FUT8: variants seen among roughly 807,000 people sequenced by gnomAD.
The protein encoded by FUT8 is fucosyltransferase 8.
FUT8 carries 29 observed loss-of-function variants against 71.3 expected under a neutral mutation model. The ratio of observed to expected loss-of-function variants is 0.41; its 90% CI spans 0.30 to 0.55. The LOEUF is 0.55. FUT8 is among the 20% of genes least tolerant of loss of function. The pLI is 0.34. For synonymous variants in FUT8, 254 were observed against 239.3 expected, an observed-to-expected ratio of 1.06 and a Z score of -0.57; for missense variants, 544 against 702.1, an observed-to-expected ratio of 0.77 and a Z score of 2.55.
chr14:65,547,051 G>T (rs1885022789), intron 2 of FUT8, among the ~76,000 whole-genome samples: 1 of 151,106 alleles, frequency 6.6e-6, no homozygotes, highest in Admixed American at 6.6e-5. Context: ...CTCTTTTGTA[G>T]TATCTCTAGT....
At chr14:65,711,798 A>T (rs887061136) in intron 7 of FUT8, among the ~76,000 whole-genome samples, 1 of 152,194 alleles carries the variant, frequency 6.6e-6, no homozygotes, top group African/African-American at 2.4e-5. Flanking sequence ...TTTTGTTCTA[A>T]GAATCCTAAA....
chr14:65,719,397 C>A (rs183805333), intron 7 of FUT8, among the ~76,000 whole-genome samples: 2 of 152,206 alleles, frequency 1.3e-5, no homozygotes, highest in African/African-American at 4.8e-5. Flanking sequence ...CAAAATAGCT[C>A]TTTTGAATTC....
chr14:65,447,170 T>G (rs1463670531), intron 1 of FUT8, among the ~76,000 whole-genome samples: 1 of 152,008 alleles, frequency 6.6e-6, no homozygotes, highest in East Asian at 1.9e-4. Flanking sequence ...GGTGCATGCC[T>G]GTAATCCTAG....
rs182634082 is a variant in FUT8 at position 65,534,501 on chromosome 14, C to T, written c.-227-26836C>T. Among the ~76,000 whole-genome samples the T allele has an allele frequency of 3.7e-3, 551 of 149,424 alleles. 1 individual carries two copies. Among genetic ancestry groups the T allele is most frequent in the Non-Finnish European group, 4.9e-3 (333 of 67,532 alleles). ...GGTATGGTACTAGCTCTTCTTTGTA[C>T]ATCTGGTAGAATTAGGCTGTTAATC... is the stretch of plus-strand genomic sequence containing the variant. On this transcript the variant is annotated intron_variant, in intron 2 of 10. Coordinates refer to ENST00000673929, the MANE Select transcript of FUT8 (RefSeq NM_001371533.1).
At chr14:65,444,927 C>T (rs1201982061) in intron 1 of FUT8, among the ~76,000 whole-genome samples, 4 of 152,056 alleles carry the variant, frequency 2.6e-5, no homozygotes, top group Non-Finnish European at 5.9e-5. Flanking sequence ...GGCTTGCGGC[C>T]GGGCATGGTG....
intron 2 of FUT8, among the ~76,000 whole-genome samples, chr14:65,508,620 C>A (rs1202277120): frequency 6.7e-6 from 1 of 149,840 alleles, no homozygotes; most frequent in Non-Finnish European, 1.5e-5. Flanking sequence ...GTTGCCTCAG[C>A]CTCCGAAGTA....
At chr14:65,693,156 G>A (rs993838653) in intron 7 of FUT8, among the ~76,000 whole-genome samples, 2 of 152,208 alleles carry the variant, frequency 1.3e-5, no homozygotes, top group Non-Finnish European at 2.9e-5. Flanking sequence ...CAAGGCAGGC[G>A]GCTGGGAGGT....
chr14:65,443,575 C>A (rs2065694029), intron 1 of FUT8, among the ~76,000 whole-genome samples: 1 of 151,524 alleles, frequency 6.6e-6, no homozygotes, highest in Non-Finnish European at 1.5e-5. Context: ...TAAAAATTAG[C>A]TGGGTGTGGT....
Position 65,741,265 on chromosome 14 carries a change from T to G in FUT8, c.1411-828T>G, listed in dbSNP as rs147224141. Among the ~76,000 whole-genome samples the G allele has an allele frequency of 4.9e-3, 748 of 151,974 alleles. 8 individuals carry two copies. Among genetic ancestry groups the G allele is most frequent in the African/African-American group, 0.017 (710 of 41,466 alleles). ...AAACTATAGTAATCAGGGTGATGCA[T>G]TTCCTCAAAGGCTTGCCCAGTTTAT... On this transcript the variant is annotated intron_variant, in intron 10 of 10. Transcript: ENST00000673929.
chr14:65,679,032 G>T (rs1892904717), intron 7 of FUT8, among the ~76,000 whole-genome samples: 1 of 152,164 alleles, frequency 6.6e-6, no homozygotes, highest in Non-Finnish European at 1.5e-5. Context: ...CTAGGTTCTG[G>T]CTAGGAATGA....
At chr14:65,485,849 A>G (rs2066402155) in intron 2 of FUT8, among the ~76,000 whole-genome samples, 1 of 152,210 alleles carries the variant, frequency 6.6e-6, no homozygotes, top group Non-Finnish European at 1.5e-5. Flanking sequence ...CCTTAGCCTG[A>G]AAAGTCTCCA....
At chr14:65,383,359 C>T in the FUT8 span, among the ~76,000 whole-genome samples, 4 of 150,646 alleles carry the variant, frequency 2.7e-5, 1 homozygote, top group South Asian at 4.2e-4. Context: ...ACCGCAATCG[C>T]CGCCTCCGAG....
the FUT8 span, among the ~76,000 whole-genome samples, chr14:65,360,559 A>G: frequency 1.3e-5 from 2 of 152,256 alleles, no homozygotes; most frequent in East Asian, 3.8e-4. Context: ...ATATCTAGCT[A>G]TCCACAAAGT....
chr14:65,557,605 A>T (rs947502905), intron 2 of FUT8, among the ~76,000 whole-genome samples: 2 of 151,676 alleles, frequency 1.3e-5, no homozygotes, highest in Non-Finnish European at 2.9e-5. Flanking sequence ...TGCTGGGATT[A>T]CAGGTGTGAG....
chr14:65,500,894 G>A (rs761810071), intron 2 of FUT8, among the ~76,000 whole-genome samples: 1 of 152,130 alleles, frequency 6.6e-6, no homozygotes, highest in Non-Finnish European at 1.5e-5. Context: ...TGTGTTTTAT[G>A]CCATGATATT....
At position 65,496,561 on chromosome 14, in the gene FUT8, G is replaced by T. The variant is rs141169063; in HGVS notation, c.-228+40843G>T. Reference sequence around the variant, plus strand: ...CTCATGAGATCTGATGGTTTTATACGTGTCTGACAGTTCCTCCTTCACCCA... The same window carrying T: ...CTCATGAGATCTGATGGTTTTATACTTGTCTGACAGTTCCTCCTTCACCCA... On this transcript the variant is annotated intron_variant, in intron 2 of 10. Coordinates refer to ENST00000673929, the MANE Select transcript of FUT8 (RefSeq NM_001371533.1). Among the ~76,000 whole-genome samples the T allele has an allele frequency of 3.0e-4, 45 of 152,126 alleles. No homozygotes were observed. In the East Asian group the frequency reaches 7.7e-3, roughly 26 times the overall value.
At chr14:65,529,138 C>T (rs1475423175) in intron 2 of FUT8, 1 of 160,322 alleles carries the variant, frequency 6.2e-6, no homozygotes, top group South Asian at 2.1e-4. Flanking sequence ...ATCTGTTTTC[C>T]TTCATTTTGA....
At chr14:65,583,819 A>G (rs1171598585) in intron 3 of FUT8, among the ~76,000 whole-genome samples, 3 of 152,140 alleles carry the variant, frequency 2.0e-5, no homozygotes, top group Non-Finnish European at 4.4e-5. Context: ...AGAATAGGCA[A>G]ATATTTAGGA....
intron 5 of FUT8, 136 bp from the exon 6 acceptor site, chr14:65,629,356 A>G (rs1284599259): frequency 3.8e-6 from 2 of 526,764 alleles, no homozygotes; most frequent in African/African-American, 3.8e-5. Context: ...CAACCTTGAT[A>G]GAAAATAAAA....
Sources: gnomAD v4.1 joint callset for allele counts (sites outside exome capture counted in the v4.1 genomes callset) on GRCh38, gnomAD v4.1.1 for gene constraint, MANE v1.5 for transcripts, NCBI Gene and HGNC (gene_info 2026-07-23, HGNC 2026-07-21) for gene names.